Variants in GINM1 observed in about 807,000 individuals in gnomAD.
The protein encoded by GINM1 is glycoprotein integral membrane protein 1.
In GINM1, 29 loss-of-function variants were observed where a neutral mutation model predicts 37.8. The ratio of observed to expected loss-of-function variants is 0.77; its 90% CI spans 0.57 to 1.05. GINM1 has a LOEUF of 1.05. Ranked by LOEUF, GINM1 falls within the 50% of genes least tolerant of loss-of-function variation. The probability of loss-of-function intolerance (pLI) is 0.00; values close to 1 mark genes in which losing one functional copy is unlikely to be tolerated. For missense variants in GINM1, 377 were observed against 397.9 expected, an observed-to-expected ratio of 0.95 and a Z score of 0.45; for synonymous variants, 143 against 146.2, an observed-to-expected ratio of 0.98 and a Z score of 0.16.
intron 7 of GINM1, among the ~76,000 whole-genome samples, chr6:149,587,806 C>T (rs1323566175): frequency 3.3e-5 from 5 of 152,152 alleles, no homozygotes; most frequent in African/African-American, 1.2e-4. Flanking sequence ...CCGTTCCCTT[C>T]CCCAAGGTTG....
intron 7 of GINM1, among the ~76,000 whole-genome samples, chr6:149,589,610 T>G (rs1778123272): frequency 6.6e-6 from 1 of 152,188 alleles, no homozygotes; most frequent in South Asian, 2.1e-4. Context: ...TGTATACTTT[T>G]AAAGCTAGAG....
At position 149,579,991 on chromosome 6, in the gene GINM1, G is replaced by A; in HGVS notation, c.586+1G>A. 6.4e-7 allele frequency: 1 copy of A among 1,564,796 alleles called. No homozygotes were observed. The highest frequency in any genetic ancestry group is 8.7e-7 in the Non-Finnish European group (1 of 1,151,982). The stretch of plus-strand genomic sequence containing the variant: ...ACCCTTCCTAACCTCTCCAAAAAAG[G>A]TAACTTAAAAGACCATTATTTAAAG... On this transcript the variant is annotated splice_donor_variant, in intron 5 of 7. Coordinates refer to ENST00000367419, the MANE Select transcript of GINM1 (RefSeq NM_138785.5). LOFTEE classifies it high-confidence loss of function.
rs1778142932 is a variant in GINM1, at chr6:149,590,778, C to T, written c.933C>T (p.Asn311=). The T allele has an allele frequency of 6.2e-7, 1 of 1,605,956 alleles. No homozygotes were observed. Among genetic ancestry groups the T allele is most frequent in the Non-Finnish European group, 8.5e-7 (1 of 1,172,990 alleles). Residue 311 remains asparagine (N), a synonymous_variant, in exon 8 of 8, where the codon AAC becomes AAT. Coordinates refer to ENST00000367419, the MANE Select transcript of GINM1 (RefSeq NM_138785.5). ...KVDVIPVTAI[N]LYPDGPEKRA... is the part of the protein sequence containing the mutation. ...ACGTCATACCTGTGACAGCTATCAA[C>T]TTATATCCAGATGGTCCAGAGAAAA... is the stretch of plus-strand genomic sequence containing the variant.
At chr6:149,584,159 A>G (rs1778038317) in intron 7 of GINM1, among the ~76,000 whole-genome samples, 1 of 152,038 alleles carries the variant, frequency 6.6e-6, no homozygotes, top group East Asian at 1.9e-4. Context: ...TATTTTTAGT[A>G]GAGATGGGGT....
rs1778156847 is a variant in GINM1, at chr6:149,591,702, G to A, written c.*864G>A. On this transcript the variant is annotated 3_prime_UTR_variant, in exon 8 of 8. Coordinates refer to ENST00000367419, the MANE Select transcript of GINM1 (RefSeq NM_138785.5). Reference sequence around the variant, plus strand: ...CCAAGATTTAAAAGTAGTATGACATGTTCTCACTCTAAAATAAACTTTTTT... The same window carrying A: ...CCAAGATTTAAAAGTAGTATGACATATTCTCACTCTAAAATAAACTTTTTT... 6.8e-6 allele frequency: 1 copy of A among 146,906 alleles called. No individual in the cohort carries two copies. Among genetic ancestry groups the A allele is most frequent in the African/African-American group, 2.5e-5 (1 of 39,584 alleles). 9.1% of individuals were successfully genotyped at this position (146,906 alleles called of 1,614,324 possible). A position where few individuals can be genotyped will look rare whatever the true frequency, so the allele number is the denominator to read the frequency against.
intron 7 of GINM1, 138 bp downstream of exon 7, chr6:149,582,741 T>C (rs1338925741): frequency 1.7e-6 from 1 of 583,374 alleles, no homozygotes; most frequent in Non-Finnish European, 2.9e-6. Context: ...CTACTGTTTT[T>C]CTAGCTCATC....
chr6:149,583,962 C>T (rs1778035738), intron 7 of GINM1, among the ~76,000 whole-genome samples: 3 of 151,632 alleles, frequency 2.0e-5, no homozygotes, highest in Admixed American at 6.6e-5. Context: ...TTAAATCAGT[C>T]GTTTTATTTT....
intron 7 of GINM1, among the ~76,000 whole-genome samples, chr6:149,589,796 T>C (rs146326213): frequency 0.012 from 1,896 of 152,228 alleles, 52 homozygotes; most frequent in Admixed American, 0.063. Flanking sequence ...TTAATTACTC[T>C]CATGTTTTGT....
rs1396796622 is a variant in GINM1 at position 149,580,584 on chromosome 6, C to T, written c.587-9C>T. The T allele has an allele frequency of 6.2e-7, 1 of 1,603,136 alleles. No homozygotes were observed. Among genetic ancestry groups the T allele is most frequent in the East Asian group, 2.2e-5 (1 of 44,654 alleles). ...GCATTTTGGTAACGTTGCTCTTTCTCCTGGGTAGAAAGTGTTAGTTCACTG... is the reference window on the plus strand; with the variant it reads ...GCATTTTGGTAACGTTGCTCTTTCTTCTGGGTAGAAAGTGTTAGTTCACTG... On this transcript the variant is annotated splice_polypyrimidine_tract_variant and intron_variant, in intron 5 of 7. Coordinates refer to ENST00000367419, the MANE Select transcript of GINM1 (RefSeq NM_138785.5).
intron 1 of GINM1, among the ~76,000 whole-genome samples, chr6:149,569,991 C>T (rs1238290310): frequency 6.6e-6 from 1 of 151,302 alleles, no homozygotes; most frequent in Admixed American, 6.6e-5. Flanking sequence ...GGCCAGGGGG[C>T]AGTAAGGAGT....
intron 3 of GINM1, chr6:149,576,460 G>C (rs926847979): frequency 6.6e-6 from 1 of 152,146 alleles, no homozygotes; most frequent in African/African-American, 2.4e-5. Context: ...TGTTAGAAAC[G>C]AGTCACTAGG....
intron 1 of GINM1, among the ~76,000 whole-genome samples, chr6:149,567,740 A>G (rs1451532614): frequency 1.3e-5 from 2 of 152,374 alleles, no homozygotes; most frequent in Non-Finnish European, 2.9e-5. Context: ...TCTGCAGGGC[A>G]TTCCAAGAAG....
intron 7 of GINM1, among the ~76,000 whole-genome samples, chr6:149,589,262 AATTT>A (rs201207313): frequency 1.3e-5 from 2 of 149,700 alleles, no homozygotes; most frequent in Non-Finnish European, 3.0e-5. Context: ...ATTTTCTTAA[AATTT>A]ATTTATTTAT....
chr6:149,586,540 T>G (rs543801900), intron 7 of GINM1, among the ~76,000 whole-genome samples: 1 of 152,248 alleles, frequency 6.6e-6, no homozygotes, highest in Non-Finnish European at 1.5e-5. Context: ...TCATTGAATG[T>G]TTTGCAATCT....
chr6:149,585,782 C>T (rs543035822), intron 7 of GINM1, among the ~76,000 whole-genome samples: 25 of 151,974 alleles, frequency 1.6e-4, no homozygotes, highest in Non-Finnish European at 3.4e-4. Context: ...TTAGTAGAGA[C>T]GAGGTTTCAC....
chr6:149,574,846 T>C (rs989330222), intron 3 of GINM1, among the ~76,000 whole-genome samples: 2 of 152,156 alleles, frequency 1.3e-5, no homozygotes, highest in Admixed American at 6.5e-5. Context: ...CCATCCTGGG[T>C]GACAGAGTGA....
chr6:149,580,110 A>G, intron 5 of GINM1, 120 bp downstream of exon 5: 1 of 655,668 alleles, frequency 1.5e-6, no homozygotes, highest in South Asian at 2.5e-5. Flanking sequence ...TTTATCTTTA[A>G]TAGTTAATAT....
intron 1 of GINM1, among the ~76,000 whole-genome samples, chr6:149,567,470 G>T (rs1039666803): frequency 6.6e-6 from 1 of 152,070 alleles, no homozygotes; most frequent in African/African-American, 2.4e-5. Context: ...GTGAAACCCC[G>T]TCTCTACTAA....
intron 7 of GINM1, among the ~76,000 whole-genome samples, chr6:149,584,824 TATAG>T (rs1315588518): frequency 4.4e-4 from 65 of 149,412 alleles, no homozygotes; most frequent in African/African-American, 1.5e-3. Flanking sequence ...TGTATATATA[TATAG>T]AGAGAGAGAG....
Sources: gnomAD v4.1 joint callset for allele counts (sites outside exome capture counted in the v4.1 genomes callset) on GRCh38, gnomAD v4.1.1 for gene constraint, MANE v1.5 for transcripts, NCBI Gene and HGNC (gene_info 2026-07-23, HGNC 2026-07-21) for gene names.